PPARGC1A: variants seen among roughly 807,000 people sequenced by gnomAD.
The protein encoded by PPARGC1A is peroxisome proliferator-activated receptor gamma coactivator 1-alpha.
Under a neutral mutation model 88.7 loss-of-function variants are expected in PPARGC1A, and 25 were observed. That is an observed-to-expected ratio of 0.28 (90% CI 0.21 to 0.39). The LOEUF (loss-of-function observed/expected upper bound fraction) is 0.39, where lower values mean the gene tolerates loss of function less well. PPARGC1A is among the 10% of genes least tolerant of loss of function. The pLI is 1.00. For missense variants in PPARGC1A, 880 were observed against 968.7 expected (o/e 0.91, Z 1.22); for synonymous variants, 363 against 355.6 (o/e 1.02, Z -0.24).
the PPARGC1A span, among the ~76,000 whole-genome samples, chr4:24,118,801 G>GT: frequency 6.6e-6 from 1 of 151,976 alleles, no homozygotes; most frequent in South Asian, 2.1e-4. Context: ...CTCTGAAATG[G>GT]TTTTTTTCCA....
At chr4:23,868,902 C>T (rs1259963708) in intron 2 of PPARGC1A, among the ~76,000 whole-genome samples, 1 of 152,196 alleles carries the variant, frequency 6.6e-6, no homozygotes, top group East Asian at 1.9e-4. Context: ...CAAAGGAAGA[C>T]AGATTTAATT....
At chr4:23,844,870 T>TTATTATAA in intron 2 of PPARGC1A, among the ~76,000 whole-genome samples, 2 of 67,960 alleles carry the variant, frequency 2.9e-5, no homozygotes, top group East Asian at 3.0e-4. Flanking sequence ...ATGATATATA[T>TTATTATAA]TATATACACA....
the PPARGC1A span, among the ~76,000 whole-genome samples, chr4:23,968,602 A>T: frequency 9.9e-5 from 15 of 152,182 alleles, no homozygotes; most frequent in African/African-American, 3.6e-4. Context: ...CTTATTCTTA[A>T]TAATACATAC....
the PPARGC1A span, among the ~76,000 whole-genome samples, chr4:24,164,964 G>A: frequency 6.6e-6 from 1 of 152,100 alleles, no homozygotes; most frequent in Non-Finnish European, 1.5e-5. Context: ...AGAGGAGCCT[G>A]CTGAGGGGGA....
chr4:24,001,120 T>C, the PPARGC1A span, among the ~76,000 whole-genome samples: 2 of 152,174 alleles, frequency 1.3e-5, no homozygotes, highest in Admixed American at 6.5e-5. Flanking sequence ...GTTTGAACAA[T>C]AGAAAAGGAA....
the PPARGC1A span, among the ~76,000 whole-genome samples, chr4:24,400,361 TA>T: frequency 3.3e-5 from 5 of 152,138 alleles, no homozygotes; most frequent in African/African-American, 9.7e-5. Context: ...GAGATGGGCC[TA>T]GCCTGCCAGG....
chr4:24,425,167 C>A, the PPARGC1A span, among the ~76,000 whole-genome samples: 3 of 152,148 alleles, frequency 2.0e-5, no homozygotes, highest in African/African-American at 7.2e-5. Flanking sequence ...CAACTTCCCA[C>A]CCATCTGATT....
chr4:23,924,792 A>C, the PPARGC1A span, among the ~76,000 whole-genome samples: 771 of 152,272 alleles, frequency 5.1e-3, 11 homozygotes, highest in African/African-American at 0.017. Flanking sequence ...AAAGTGTGCC[A>C]GGATGTGATT....
chr4:23,964,926 T>C, the PPARGC1A span, among the ~76,000 whole-genome samples: 1 of 152,182 alleles, frequency 6.6e-6, no homozygotes, highest in Non-Finnish European at 1.5e-5. Flanking sequence ...TCCACTTGCC[T>C]CTTTAGGATA....
the PPARGC1A span, among the ~76,000 whole-genome samples, chr4:23,937,818 C>T: frequency 6.6e-6 from 1 of 152,200 alleles, no homozygotes; most frequent in Non-Finnish European, 1.5e-5. Context: ...CTGTGGCTCA[C>T]AGGTACTTTT....
intron 2 of PPARGC1A, among the ~76,000 whole-genome samples, chr4:23,865,498 T>C (rs888724325): frequency 1.3e-5 from 2 of 152,106 alleles, no homozygotes; most frequent in Non-Finnish European, 2.9e-5. Context: ...TAGAATCAGA[T>C]CTATTAAGAG....
Position 23,795,794 on chromosome 4 carries a change from C to T in PPARGC1A, c.*28G>A, listed in dbSNP as rs1717482282. ...GCTGTCCCATGAGGTATTCGCCATC[C>T]CTCTGTCATCCTCAGCTAGGGAACA... On this transcript the variant is annotated 3_prime_UTR_variant, in exon 13 of 13. Transcript: ENST00000264867. 1.9e-6 allele frequency: 3 copies of T among 1,553,748 alleles called. No individual in the cohort carries two copies. Among genetic ancestry groups the T allele is most frequent in the East Asian group, 2.3e-5 (1 of 44,314 alleles).
chr4:24,297,048 C>T, the PPARGC1A span, among the ~76,000 whole-genome samples: 1 of 151,960 alleles, frequency 6.6e-6, no homozygotes, highest in Non-Finnish European at 1.5e-5. Flanking sequence ...GTCAAGAAGA[C>T]AAGACAAATG....
the PPARGC1A span, among the ~76,000 whole-genome samples, chr4:23,938,416 T>C: frequency 1.3e-5 from 2 of 152,324 alleles, no homozygotes; most frequent in Middle Eastern, 3.4e-3. Context: ...GCACTTATAA[T>C]ACATGTCATA....
chr4:24,045,990 T>C, the PPARGC1A span, among the ~76,000 whole-genome samples: 44,320 of 152,016 alleles, frequency 0.29, 6,716 homozygotes, highest in Admixed American at 0.4. Context: ...CCAAACACAA[T>C]TCCTACCACA....
Position 23,812,783 on chromosome 4 carries a change from C to T in PPARGC1A, c.1983G>A (p.Arg661=), listed in dbSNP as rs1721169529. The T allele has an allele frequency of 1.2e-6, 2 of 1,613,912 alleles. No homozygotes were observed. Among genetic ancestry groups the T allele is most frequent in the African/African-American group, 2.7e-5 (2 of 74,906 alleles). ...RREYEKRESE[R]AKQRERQRQK... ...GCCTCTGCCTCTCCCTTTGCTTGGC[C>T]CTCTCAGACTCTCGCTTCTCATACT... The change falls in exon 10 of 13, where the codon AGG becomes AGA. Residue 661 remains arginine (R), a synonymous_variant. Transcript: ENST00000264867.
At chr4:23,971,931 T>A in the PPARGC1A span, among the ~76,000 whole-genome samples, 1 of 151,946 alleles carries the variant, frequency 6.6e-6, no homozygotes, top group Admixed American at 6.6e-5. Flanking sequence ...AAATTATATA[T>A]ATACATATAT....
At chr4:24,034,323 A>C in the PPARGC1A span, among the ~76,000 whole-genome samples, 1 of 152,250 alleles carries the variant, frequency 6.6e-6, no homozygotes, top group African/African-American at 2.4e-5. Flanking sequence ...CTCAAAAGAC[A>C]TATCACCCAA....
the PPARGC1A span, among the ~76,000 whole-genome samples, chr4:24,304,495 G>A: frequency 6.6e-6 from 1 of 152,112 alleles, no homozygotes; most frequent in Non-Finnish European, 1.5e-5. Flanking sequence ...AGGGGTTGGA[G>A]ACACAGAAAG....
Sources: allele counts gnomAD v4.1 joint callset (sites outside exome capture counted in the v4.1 genomes callset), GRCh38; gene constraint gnomAD v4.1.1; transcripts MANE v1.5; gene names NCBI Gene and HGNC (gene_info 2026-07-23, HGNC 2026-07-21).